Variants in ASIC2 observed in about 807,000 individuals in gnomAD.
ASIC2 encodes acid sensing ion channel subunit 2.
ASIC2 carries 25 observed loss-of-function variants against 57.3 expected under a neutral mutation model. That is an observed-to-expected ratio of 0.44 (90% confidence interval 0.32 to 0.61). The LOEUF is 0.61. Among genes scored for constraint, ASIC2 ranks in the 20% least tolerant of loss-of-function variants. The pLI is 0.06. For synonymous variants in ASIC2, 319 were observed against 307.5 expected (o/e 1.04, Z -0.39); for missense variants, 641 against 738.1 (o/e 0.87, Z 1.52).
At chr17:33,963,712 A>T (rs1164976230) in intron 1 of ASIC2, among the ~76,000 whole-genome samples, 2 of 152,114 alleles carry the variant, frequency 1.3e-5, no homozygotes, top group African/African-American at 4.8e-5. Flanking sequence ...AGACCTTTAA[A>T]CTCAGTATGT....
chr17:34,047,506 C>CAAA lies in ASIC2; in HGVS notation c.555+108471_555+108472insTTT, dbSNP rs765688526. ...TCTTAACATGATGTACACCTTTCTC[C>CAAA]AGAAAAAAAAAAAAAAAAAAAAAAA... On this transcript the variant is annotated intron_variant, in intron 1 of 9. Coordinates refer to the ASIC2 transcript ENST00000359872. Among the ~76,000 whole-genome samples the CAAA allele has an allele frequency of 1.1e-3, 75 of 68,296 alleles. 6 individuals are homozygous for CAAA. Among genetic ancestry groups the CAAA allele is most frequent in the African/African-American group, 2.2e-3 (47 of 21,174 alleles). The allele number at this position is 68,296 out of a possible 152,430, so 44.8% of individuals were successfully genotyped here. A position where few individuals can be genotyped will look rare whatever the true frequency, so the allele number is the denominator to read the frequency against.
intron 1 of ASIC2, among the ~76,000 whole-genome samples, chr17:33,578,316 C>A (rs1293591320): frequency 6.6e-6 from 1 of 152,100 alleles, no homozygotes; most frequent in African/African-American, 2.4e-5. Flanking sequence ...GTTTCTAATC[C>A]TGGTAGTAAC....
chr17:33,510,102 TG>T (rs1914386949), intron 1 of ASIC2, among the ~76,000 whole-genome samples: 1 of 152,188 alleles, frequency 6.6e-6, no homozygotes, highest in Non-Finnish European at 1.5e-5. Context: ...GGACTTTGCC[TG>T]TAACTCACTG....
intron 1 of ASIC2, among the ~76,000 whole-genome samples, chr17:33,496,516 C>T (rs1382103803): frequency 6.8e-6 from 1 of 148,068 alleles, no homozygotes; most frequent in African/African-American, 2.5e-5. Context: ...CATCACCTGA[C>T]AATTCAAATG....
chr17:33,276,251 A>G (rs950459268), intron 1 of ASIC2, among the ~76,000 whole-genome samples: 16 of 152,226 alleles, frequency 1.1e-4, no homozygotes, highest in African/African-American at 3.9e-4. Flanking sequence ...CAATCAATAA[A>G]TAAAAGAGTA....
chr17:33,490,363 C>A (rs1913713946), intron 1 of ASIC2, among the ~76,000 whole-genome samples: 1 of 152,236 alleles, frequency 6.6e-6, no homozygotes, highest in Admixed American at 6.5e-5. Flanking sequence ...TAACTCATCA[C>A]TTTCCATGTG....
chr17:33,713,473 C>G (rs985503056), intron 1 of ASIC2, among the ~76,000 whole-genome samples: 4 of 152,216 alleles, frequency 2.6e-5, no homozygotes, highest in Non-Finnish European at 5.9e-5. Context: ...ATGTGGTATT[C>G]TCTCTGTACG....
chr17:33,492,784 C>T (rs1003694280), intron 1 of ASIC2, among the ~76,000 whole-genome samples: 2 of 152,218 alleles, frequency 1.3e-5, no homozygotes, highest in Non-Finnish European at 2.9e-5. Context: ...CTCCCAGCCT[C>T]TTTGCCTCTG....
intron 1 of ASIC2, among the ~76,000 whole-genome samples, chr17:33,358,655 C>T (rs917928163): frequency 1.3e-5 from 2 of 152,192 alleles, no homozygotes; most frequent in African/African-American, 4.8e-5. Flanking sequence ...TCTCTAATTA[C>T]TGTATAAGAA....
At chr17:34,025,566 TATA>T (rs1478244527) in intron 1 of ASIC2, among the ~76,000 whole-genome samples, 1 of 152,256 alleles carries the variant, frequency 6.6e-6, no homozygotes. Context: ...TCTCAAAGGT[TATA>T]ATGACTTATA....
chr17:33,486,052 C>A (rs544614434), intron 1 of ASIC2, among the ~76,000 whole-genome samples: 71 of 151,106 alleles, frequency 4.7e-4, no homozygotes, highest in Non-Finnish European at 8.4e-4. Context: ...CAGAGCTCAT[C>A]CCCTCTCTCC....
At chr17:33,057,814 A>G (rs2092004061) in intron 3 of ASIC2, among the ~76,000 whole-genome samples, 1 of 152,184 alleles carries the variant, frequency 6.6e-6, no homozygotes, top group African/African-American at 2.4e-5. Context: ...CACATAGAAC[A>G]GTCATAGAGT....
chr17:33,705,260 A>G (rs1243828480), intron 1 of ASIC2, among the ~76,000 whole-genome samples: 1 of 152,226 alleles, frequency 6.6e-6, no homozygotes, highest in Non-Finnish European at 1.5e-5. Context: ...ATTGATTACC[A>G]CAGTAAAAAA....
chr17:33,426,397 A>G (rs762681239), intron 1 of ASIC2, among the ~76,000 whole-genome samples: 8 of 152,222 alleles, frequency 5.3e-5, no homozygotes, highest in African/African-American at 1.9e-4. Context: ...CTCTGTACCA[A>G]AACGCAGGAG....
intron 1 of ASIC2, chr17:34,081,917 C>A (rs1356940391): frequency 6.6e-6 from 1 of 152,126 alleles, no homozygotes. Context: ...CTGTACTTAA[C>A]CCCATTTTCA....
intron 1 of ASIC2, among the ~76,000 whole-genome samples, chr17:33,407,964 A>T (rs1910525919): frequency 6.6e-6 from 1 of 152,128 alleles, no homozygotes; most frequent in Admixed American, 6.5e-5. Flanking sequence ...GTCACTTCCA[A>T]ATCCTTCCTG....
At chr17:33,028,157 G>GAA in intron 4 of ASIC2, 85 bp downstream of exon 4, 1 of 1,516,708 alleles carries the variant, frequency 6.6e-7, no homozygotes. Context: ...CGAAGTGGGT[G>GAA]AAGTGTTTCC....
intron 2 of ASIC2, among the ~76,000 whole-genome samples, chr17:33,097,073 T>C (rs1349590586): frequency 1.3e-5 from 2 of 152,230 alleles, no homozygotes; most frequent in Non-Finnish European, 2.9e-5. Flanking sequence ...ATCCAACCCT[T>C]GTCTGCTGGG....
At chr17:33,325,730 T>C (rs561534086) in intron 1 of ASIC2, among the ~76,000 whole-genome samples, 75 of 152,250 alleles carry the variant, frequency 4.9e-4, no homozygotes, top group African/African-American at 1.7e-3. Context: ...TAGAAGATCA[T>C]GGCTATAATC....
Sources: gnomAD v4.1 joint callset for allele counts (sites outside exome capture counted in the v4.1 genomes callset) on GRCh38, gnomAD v4.1.1 for gene constraint, MANE v1.5 for transcripts, NCBI Gene and HGNC (gene_info 2026-07-23, HGNC 2026-07-21) for gene names.